Variants in TRAPPC9 observed in about 807,000 individuals in gnomAD.
TRAPPC9 encodes the protein trafficking protein particle complex subunit 9.
TRAPPC9 carries 83 observed loss-of-function variants against 124.0 expected under a neutral mutation model. The observed-to-expected ratio is 0.67, with a 90% CI of 0.56 to 0.80. The LOEUF is 0.80. Ranked by LOEUF, TRAPPC9 falls within the 30% of genes least tolerant of loss-of-function variation. TRAPPC9 has a pLI of 0.00. For synonymous variants in TRAPPC9, 638 were observed against 617.5 expected (o/e 1.03, Z -0.49); for missense variants, 1,302 against 1,508.3 (o/e 0.86, Z 2.27).
chr8:140,146,119 T>C (rs971208376), intron 17 of TRAPPC9, among the ~76,000 whole-genome samples: 4 of 152,256 alleles, frequency 2.6e-5, no homozygotes, highest in Non-Finnish European at 5.9e-5. Context: ...TGATATATGT[T>C]CAATAAACTA....
intron 4 of TRAPPC9, among the ~76,000 whole-genome samples, chr8:140,428,835 C>A (rs916127212): frequency 6.6e-6 from 1 of 152,106 alleles, no homozygotes; most frequent in African/African-American, 2.4e-5. Flanking sequence ...CAGGGAGAAA[C>A]CTGCTGCCTA....
chr8:140,380,996 G>T (rs1408020345), intron 7 of TRAPPC9, among the ~76,000 whole-genome samples: 1 of 151,956 alleles, frequency 6.6e-6, no homozygotes, highest in Non-Finnish European at 1.5e-5. Context: ...CTTGAGGCGA[G>T]GAGTTCAATA....
chr8:139,981,975 G>C (rs528143073), intron 19 of TRAPPC9, among the ~76,000 whole-genome samples: 1 of 152,210 alleles, frequency 6.6e-6, no homozygotes, highest in African/African-American at 2.4e-5. Flanking sequence ...GCAAGCGAGG[G>C]GGACAGAGCC....
chr8:139,790,573 G>T (rs142568673), intron 21 of TRAPPC9, among the ~76,000 whole-genome samples: 1 of 152,198 alleles, frequency 6.6e-6, no homozygotes. Context: ...GACACTTGGC[G>T]GAGCCTGGAG....
chr8:140,058,380 A>C lies in TRAPPC9; in HGVS notation c.2557-34301T>G, dbSNP rs183923255. The stretch of plus-strand genomic sequence containing the variant: ...CCTCCATTGATTGGTCTTTCTCTGC[A>C]TGAGAACACAGCCCTCACCTCTTCC... On this transcript the variant is annotated intron_variant, in intron 17 of 22. Coordinates refer to ENST00000438773, the MANE Select transcript of TRAPPC9 (RefSeq NM_001160372.4). 1.5e-3 allele frequency among the ~76,000 whole-genome samples: 224 copies of C among 152,300 alleles called. 1 individual carries two copies. Among genetic ancestry groups the C allele is most frequent in the African/African-American group, 5.1e-3 (213 of 41,560 alleles).
chr8:140,065,125 C>T lies in TRAPPC9; in HGVS notation c.2557-41046G>A, dbSNP rs74986028. 2.3e-3 allele frequency among the ~76,000 whole-genome samples: 353 copies of T among 152,302 alleles called. 2 individuals carry two copies. The highest frequency in any genetic ancestry group is 8.2e-3 in the African/African-American group (341 of 41,558). ...CAACTTGTATTGATGCTCCTTACCACGGTTATTTACCTTGCCACAATAATC... is the reference window on the plus strand; with the variant it reads ...CAACTTGTATTGATGCTCCTTACCATGGTTATTTACCTTGCCACAATAATC... On this transcript the variant is annotated intron_variant, in intron 17 of 22. Coordinates refer to ENST00000438773, the MANE Select transcript of TRAPPC9 (RefSeq NM_001160372.4).
At chr8:140,289,014 G>A (rs1009685082) in intron 12 of TRAPPC9, among the ~76,000 whole-genome samples, 2 of 152,180 alleles carry the variant, frequency 1.3e-5, no homozygotes, top group African/African-American at 4.8e-5. Context: ...CGGGAAGAAA[G>A]GACACACACA....
At chr8:139,876,072 C>T (rs543405136) in intron 21 of TRAPPC9, among the ~76,000 whole-genome samples, 36 of 152,332 alleles carry the variant, frequency 2.4e-4, no homozygotes, top group African/African-American at 8.4e-4. Flanking sequence ...TTCAGCAACT[C>T]GTAGCAGCCA....
At chr8:140,187,826 C>T (rs1011734344) in intron 17 of TRAPPC9, among the ~76,000 whole-genome samples, 1 of 152,172 alleles carries the variant, frequency 6.6e-6, no homozygotes, top group African/African-American at 2.4e-5. Context: ...AGGCACACAC[C>T]ATCATGTCTG....
At chr8:139,987,157 G>T (rs139809848) in intron 19 of TRAPPC9, among the ~76,000 whole-genome samples, 4 of 152,234 alleles carry the variant, frequency 2.6e-5, no homozygotes, top group African/African-American at 7.2e-5. Context: ...ACCGCCATTT[G>T]TTTGTCCGTT....
chr8:140,053,754 T>G (rs934419492), intron 17 of TRAPPC9, among the ~76,000 whole-genome samples: 31 of 152,248 alleles, frequency 2.0e-4, no homozygotes, highest in African/African-American at 7.0e-4. Context: ...GCGTACATAC[T>G]GATAACCGTT....
intron 14 of TRAPPC9, 72 bp downstream of exon 14, chr8:140,283,817 A>C (rs544373699): frequency 9.0e-7 from 1 of 1,107,726 alleles, no homozygotes; most frequent in African/African-American, 1.7e-5. Context: ...TGTGCCATTA[A>C]AAAAAAAAAA....
In TRAPPC9 at chr8:139,732,017, C is replaced by T. The variant is rs141067069; in HGVS notation, c.3241G>A (p.Val1081Ile). The change falls in exon 22 of 23, where the codon GTC (valine) becomes ATC (isoleucine). Residue 1081 changes from valine (V) to isoleucine (I), a missense_variant. This residue lies in a region of TRAPPC9 where 640 missense variants were observed against 679.3 expected (regional missense o/e 0.94). Coordinates refer to ENST00000438773, the MANE Select transcript of TRAPPC9 (RefSeq NM_001160372.4). ...AAGGTGCTGGAGCCCACGAAGGAGA[C>T]GGTGTCGTGCAGGTCGTAGTTGTGC... Reference protein sequence around the residue: ...GVHNYDLHDTVSFVGSSTFYL... With the variant: ...GVHNYDLHDTISFVGSSTFYL... The T allele has an allele frequency of 1.6e-4, 251 of 1,599,024 alleles. 1 individual carries two copies. In the African/African-American group the frequency reaches 2.3e-3, roughly 14 times the overall value.
chr8:139,755,534 T>A (rs373821942), intron 21 of TRAPPC9, among the ~76,000 whole-genome samples: 1,621 of 78,444 alleles, frequency 0.021, no homozygotes, highest in African/African-American at 0.08. Flanking sequence ...GGAGCCAGGG[T>A]TTGGGGATGA....
intron 17 of TRAPPC9, chr8:140,096,853 C>G (rs1844990560): frequency 6.6e-6 from 1 of 152,174 alleles, no homozygotes; most frequent in Admixed American, 6.6e-5. Context: ...GTGGAAGGAG[C>G]AGAGAGGAGG....
chr8:140,361,209 G>A (rs1230824984), intron 8 of TRAPPC9, among the ~76,000 whole-genome samples: 4 of 152,248 alleles, frequency 2.6e-5, no homozygotes, highest in South Asian at 2.1e-4. Context: ...CACGACAGTC[G>A]GTTGGTTAAC....
In TRAPPC9 at chr8:139,779,547, A is replaced by C. The variant is rs111938278; in HGVS notation, c.3056-47345T>G. ...ATGTATAAATAAAACGTATGACGAC[A>C]ATAGTATTAAAGCCCATAGGGAGGA... On this transcript the variant is annotated intron_variant, in intron 21 of 22. Transcript: ENST00000438773. Among the ~76,000 whole-genome samples, 770 of 152,310 alleles carry C rather than the reference A, an allele frequency of 5.1e-3. 6 individuals are homozygous for C. The highest frequency in any genetic ancestry group is 0.017 in the African/African-American group (720 of 41,572).
intron 15 of TRAPPC9, among the ~76,000 whole-genome samples, chr8:140,264,156 C>T (rs2064531892): frequency 1.3e-5 from 2 of 152,144 alleles, no homozygotes; most frequent in South Asian, 4.1e-4. Context: ...GTTAGAAAGC[C>T]CAGCAGGGTG....
intron 17 of TRAPPC9, chr8:140,095,352 A>G (rs1055463434): frequency 6.6e-6 from 1 of 152,282 alleles, no homozygotes; most frequent in African/African-American, 2.4e-5. Context: ...CCATCACCGG[A>G]GCAAGGCTCT....
Sources: gnomAD v4.1 joint callset for allele counts (sites outside exome capture counted in the v4.1 genomes callset) on GRCh38, gnomAD v4.1.1 for gene constraint, gnomAD v4.1.1 regional missense constraint, MANE v1.5 for transcripts, NCBI Gene and HGNC (gene_info 2026-07-23, HGNC 2026-07-21) for gene names.